CPXM2: variants seen among roughly 807,000 people sequenced by gnomAD.
CPXM2 encodes carboxypeptidase X, M14 family member 2, also known as inactive carboxypeptidase-like protein X2.
CPXM2 carries 66 observed loss-of-function variants against 86.1 expected under a neutral mutation model. The observed-to-expected ratio is 0.77, with a 90% CI of 0.63 to 0.94. The LOEUF is 0.94. Ranked by LOEUF, CPXM2 falls within the 40% of genes least tolerant of loss-of-function variation. The pLI, the probability that CPXM2 is intolerant of heterozygous loss-of-function variation, is 0.00. For missense variants in CPXM2, 948 were observed against 1,026.3 expected (o/e 0.92, Z 1.04); for synonymous variants, 388 against 400.2 (o/e 0.97, Z 0.36).
intron 4 of CPXM2, among the ~76,000 whole-genome samples, chr10:123,826,740 C>T (rs956241753): frequency 2.0e-5 from 3 of 152,016 alleles, no homozygotes; most frequent in Admixed American, 6.6e-5. Context: ...AATCGACTTA[C>T]GGACACACAG....
intron 3 of CPXM2, among the ~76,000 whole-genome samples, chr10:123,856,160 C>T (rs540195606): frequency 6.6e-5 from 10 of 152,286 alleles, no homozygotes; most frequent in Admixed American, 2.0e-4. Context: ...GGATGTAAGT[C>T]GGTCCCCAGT....
intron 6 of CPXM2, among the ~76,000 whole-genome samples, chr10:123,791,418 T>C (rs1470163627): frequency 6.6e-6 from 1 of 152,146 alleles, no homozygotes; most frequent in Non-Finnish European, 1.5e-5. Context: ...GACTCTCTCA[T>C]GGTTCTGAAG....
At chr10:123,784,837 A>G (rs1305513320) in intron 6 of CPXM2, among the ~76,000 whole-genome samples, 1 of 152,184 alleles carries the variant, frequency 6.6e-6, no homozygotes, top group Non-Finnish European at 1.5e-5. Flanking sequence ...TTCACGTACG[A>G]TTGAGGCAGA....
intron 2 of CPXM2, among the ~76,000 whole-genome samples, chr10:123,930,310 C>T (rs1046152251): frequency 1.3e-5 from 2 of 152,238 alleles, no homozygotes; most frequent in East Asian, 1.9e-4. Flanking sequence ...GTTTGCTCCC[C>T]GCAGCACCAT....
intron 3 of CPXM2, among the ~76,000 whole-genome samples, chr10:123,854,604 C>T (rs191362967): frequency 6.6e-6 from 1 of 151,188 alleles, no homozygotes; most frequent in Non-Finnish European, 1.5e-5. Context: ...GGGCTCCTTC[C>T]CTGCCAGCTC....
chr10:123,764,420 A>T (rs1268101013), intron 10 of CPXM2, among the ~76,000 whole-genome samples: 1 of 151,162 alleles, frequency 6.6e-6, no homozygotes, highest in Non-Finnish European at 1.5e-5. Context: ...TAGACAAATC[A>T]CTTCATATTA....
intron 2 of CPXM2, among the ~76,000 whole-genome samples, chr10:123,922,649 C>T (rs756395363): frequency 5.9e-5 from 9 of 152,126 alleles, no homozygotes; most frequent in Non-Finnish European, 1.0e-4. Flanking sequence ...CATTTCTGAG[C>T]GCTGAGATTA....
chr10:123,932,436 T>C (rs1483590108), intron 2 of CPXM2, among the ~76,000 whole-genome samples: 1 of 152,226 alleles, frequency 6.6e-6, no homozygotes, highest in Admixed American at 6.5e-5. Context: ...ATTTCCCACT[T>C]TGTTCCTTGG....
intron 4 of CPXM2, among the ~76,000 whole-genome samples, chr10:123,836,077 C>T (rs1000832297): frequency 6.6e-6 from 1 of 152,100 alleles, no homozygotes; most frequent in Non-Finnish European, 1.5e-5. Context: ...CTTCAGCTGC[C>T]TCCTCATCTC....
chr10:123,798,159 T>G, intron 5 of CPXM2, 33 bp from the exon 6 acceptor site: 1 of 1,554,540 alleles, frequency 6.4e-7, no homozygotes, highest in Non-Finnish European at 8.7e-7. Flanking sequence ...AGGAAAATCT[T>G]TTAGTGCTTA....
chr10:123,840,935 T>C (rs1192028682), intron 4 of CPXM2, among the ~76,000 whole-genome samples: 1 of 152,180 alleles, frequency 6.6e-6, no homozygotes, highest in African/African-American at 2.4e-5. Context: ...CAAATTAAAC[T>C]CTGATTTTAT....
At chr10:123,886,892 G>A (rs1392493842) in intron 1 of CPXM2, 1 of 152,146 alleles carries the variant, frequency 6.6e-6, no homozygotes, top group African/African-American at 2.4e-5. Context: ...CTGCAAACCA[G>A]GGTCATCAAT....
At chr10:123,925,623 T>A (rs1945616114) in intron 2 of CPXM2, among the ~76,000 whole-genome samples, 1 of 152,228 alleles carries the variant, frequency 6.6e-6, no homozygotes, top group South Asian at 2.1e-4. Flanking sequence ...TGGCATCTCT[T>A]GCCTCTCTTG....
intron 13 of CPXM2, among the ~76,000 whole-genome samples, chr10:123,747,896 T>C (rs1451805515): frequency 8.2e-6 from 1 of 122,170 alleles, no homozygotes; most frequent in African/African-American, 3.3e-5. Flanking sequence ...CACTCCAGCC[T>C]GGGCGACAGA....
chr10:123,890,509 T>C (rs7094222), intron 1 of CPXM2, among the ~76,000 whole-genome samples: 70,681 of 152,118 alleles, frequency 0.46, 17,310 homozygotes, highest in Non-Finnish European at 0.51. Flanking sequence ...GGAAAGGCCA[T>C]TGCGAGGCCA....
chr10:123,834,142 C>T (rs10219058), intron 4 of CPXM2, among the ~76,000 whole-genome samples: 12,471 of 152,220 alleles, frequency 0.082, 574 homozygotes, highest in Middle Eastern at 0.18. Context: ...ACTCTGACAC[C>T]GGTGAGGACC....
chr10:123,756,961 C>T (rs559549511), intron 12 of CPXM2, among the ~76,000 whole-genome samples: 2 of 152,314 alleles, frequency 1.3e-5, no homozygotes, highest in Non-Finnish European at 2.9e-5. Context: ...CTGTTCCCTG[C>T]GGAGCAGCAT....
In CPXM2 at chr10:123,862,595, C is replaced by G; in HGVS notation, c.513+19G>C. On this transcript the variant is annotated intron_variant, in intron 3 of 13. Transcript: ENST00000241305. The stretch of plus-strand genomic sequence containing the variant: ...ATAAACAAGGCAGTCAAAATCCTTC[C>G]AACCACAGGGCCAGGTACCTGGATG... The G allele has an allele frequency of 6.2e-7, 1 of 1,609,172 alleles. No individual in the cohort carries two copies. The highest frequency in any genetic ancestry group is 2.2e-5 in the East Asian group (1 of 44,876).
At chr10:123,809,460 G>A (rs1466414192) in intron 4 of CPXM2, among the ~76,000 whole-genome samples, 1 of 152,128 alleles carries the variant, frequency 6.6e-6, no homozygotes, top group African/African-American at 2.4e-5. Context: ...TAAGTACTTA[G>A]TGAAGATAGA....
Sources: gnomAD v4.1 joint callset for allele counts (sites outside exome capture counted in the v4.1 genomes callset) on GRCh38, gnomAD v4.1.1 for gene constraint, MANE v1.5 for transcripts, NCBI Gene and HGNC (gene_info 2026-07-23, HGNC 2026-07-21) for gene names.